The following CACNA1C variants were observed in gnomAD, a reference collection of about 807,000 sequenced individuals.
CACNA1C encodes calcium voltage-gated channel subunit alpha1 C, also known as voltage-dependent L-type calcium channel subunit alpha-1C.
CACNA1C carries 30 observed loss-of-function variants against 229.0 expected under a neutral mutation model. That is an observed-to-expected ratio of 0.13 (90% CI 0.10 to 0.18). CACNA1C has a LOEUF of 0.18. Among genes scored for constraint, CACNA1C ranks in the 10% least tolerant of loss-of-function variants. The pLI, the probability that CACNA1C is intolerant of heterozygous loss-of-function variation, is 1.00. For synonymous variants in CACNA1C, 1,114 were observed against 1,132.5 expected (o/e 0.98, Z 0.33); for missense variants, 1,658 against 2,845.0 (o/e 0.58, Z 9.49).
chr12:2,178,821 G>A (rs771642876), intron 3 of CACNA1C, among the ~76,000 whole-genome samples: 1 of 152,130 alleles, frequency 6.6e-6, no homozygotes, highest in Non-Finnish European at 1.5e-5. Context: ...CAGCACTTTG[G>A]GAGGCCGAGG....
At chr12:2,663,656 G>A (rs1303237628) in intron 34 of CACNA1C, among the ~76,000 whole-genome samples, 1 of 151,914 alleles carries the variant, frequency 6.6e-6, no homozygotes, top group Non-Finnish European at 1.5e-5. Context: ...CACCACTGAA[G>A]GGCTTGTCCG....
At chr12:2,201,450 A>G (rs2239023) in intron 3 of CACNA1C, among the ~76,000 whole-genome samples, 52,089 of 152,082 alleles carry the variant, frequency 0.34, 9,375 homozygotes, top group South Asian at 0.39. Context: ...TAGGAGTCGC[A>G]TGTCCATACA....
chr12:2,356,725 G>A (rs2238076), intron 3 of CACNA1C, among the ~76,000 whole-genome samples: 25,939 of 152,230 alleles, frequency 0.17, 3,329 homozygotes, highest in African/African-American at 0.36. Context: ...AAGGGGAATA[G>A]AAATTCTTCC....
chr12:2,475,842 G>A (rs894908821), intron 5 of CACNA1C, among the ~76,000 whole-genome samples: 1 of 152,174 alleles, frequency 6.6e-6, no homozygotes, highest in African/African-American at 2.4e-5. Context: ...TAATATAGTG[G>A]TTATCTTGGT....
Position 2,504,365 on chromosome 12 carries a change from C to A in CACNA1C, c.1114-477C>A. The A allele has an allele frequency of 1.2e-6, 1 of 861,404 alleles. No individual in the cohort carries two copies. The highest frequency in any genetic ancestry group is 2.0e-6 in the Non-Finnish European group (1 of 499,968). 53.4% of individuals were successfully genotyped at this position (861,404 alleles called of 1,614,324 possible). On this transcript the variant is annotated intron_variant, in intron 7 of 46. Coordinates refer to ENST00000399655, the MANE Select transcript of CACNA1C (RefSeq NM_000719.7). The surrounding 1 kb of genome is among the most constrained non-coding windows in gnomAD (Gnocchi z 6.8). Reference sequence around the variant, plus strand: ...CGTCTGTCCCCTCCCAATCTGCTCACACCTGCTGCCTGCCTCTTTGCTGTA... The same window carrying A: ...CGTCTGTCCCCTCCCAATCTGCTCAAACCTGCTGCCTGCCTCTTTGCTGTA...
intron 43 of CACNA1C, among the ~76,000 whole-genome samples, 171 bp downstream of exon 43, chr12:2,682,849 CAACACACAA>C: frequency 0.045 from 1 of 22 alleles, no homozygotes; most frequent in Non-Finnish European, 0.071. Flanking sequence ...GGGAGCCCCC[CAACACACAA>C]CACACACAAA....
chr12:2,383,021 C>G (rs1367656662), intron 3 of CACNA1C, among the ~76,000 whole-genome samples: 1 of 152,174 alleles, frequency 6.6e-6, no homozygotes, highest in Non-Finnish European at 1.5e-5. Context: ...CTAATGCACT[C>G]TAGATCAGCT....
intron 7 of CACNA1C, among the ~76,000 whole-genome samples, chr12:2,496,422 C>T (rs1262529441): frequency 6.6e-6 from 1 of 152,192 alleles, no homozygotes; most frequent in African/African-American, 2.4e-5. Context: ...GAGCTCCATT[C>T]ATTCTAAATC....
At chr12:2,596,787 A>G (rs1240334587) in intron 20 of CACNA1C, among the ~76,000 whole-genome samples, 3 of 152,194 alleles carry the variant, frequency 2.0e-5, no homozygotes, top group Non-Finnish European at 4.4e-5. Context: ...CATCACAGGA[A>G]GCTGGCCAGC....
chr12:2,640,495 C>T (rs1480345090), intron 30 of CACNA1C, among the ~76,000 whole-genome samples: 4 of 152,230 alleles, frequency 2.6e-5, no homozygotes, highest in East Asian at 1.9e-4. Flanking sequence ...CACCCGGATC[C>T]GTGTCTCTGG....
At chr12:2,402,371 G>A (rs1331038749) in intron 3 of CACNA1C, among the ~76,000 whole-genome samples, 5 of 152,260 alleles carry the variant, frequency 3.3e-5, no homozygotes, top group Admixed American at 6.5e-5. Context: ...GGACACCTCC[G>A]TGTGCTTCCA....
At chr12:2,191,590 A>G (rs1413351757) in intron 3 of CACNA1C, among the ~76,000 whole-genome samples, 2 of 152,078 alleles carry the variant, frequency 1.3e-5, no homozygotes, top group Admixed American at 6.5e-5. Context: ...GCATACACAC[A>G]TGCACTCACA....
intron 29 of CACNA1C, among the ~76,000 whole-genome samples, chr12:2,617,176 G>A (rs1403797988): frequency 1.3e-5 from 2 of 152,240 alleles, no homozygotes; most frequent in African/African-American, 2.4e-5. Flanking sequence ...ATCCATCAAC[G>A]AGGCCCTGGG....
intron 6 of CACNA1C, among the ~76,000 whole-genome samples, chr12:2,487,761 G>A (rs1219982670): frequency 1.3e-5 from 2 of 151,994 alleles, no homozygotes; most frequent in Non-Finnish European, 2.9e-5. Flanking sequence ...AGACTTTTTA[G>A]CCTTGCTTAA....
chr12:1,983,714 A>G (rs1463499512), intron 1 of CACNA1C, among the ~76,000 whole-genome samples: 1 of 152,114 alleles, frequency 6.6e-6, no homozygotes, highest in African/African-American at 2.4e-5. Flanking sequence ...TCGATAGAAT[A>G]TAATATAAAT....
intron 3 of CACNA1C, among the ~76,000 whole-genome samples, chr12:2,430,206 C>T (rs569918365): frequency 1.3e-5 from 2 of 152,154 alleles, no homozygotes; most frequent in South Asian, 4.2e-4. Flanking sequence ...CTCCCAAAGG[C>T]CCCACCTCCT....
At position 2,181,690 on chromosome 12, in the gene CACNA1C, C is replaced by T. The variant is rs2096844694; in HGVS notation, c.477+61260C>T. Among the ~76,000 whole-genome samples the T allele has an allele frequency of 6.6e-6, 1 of 152,104 alleles. No individual in the cohort carries two copies. The highest frequency in any genetic ancestry group is 2.4e-5 in the African/African-American group (1 of 41,406). ...CAATAATATTCTAGTTATTGTAGGC[C>T]AGGGGACCCACATCCACGATATCGT... is the stretch of plus-strand genomic sequence containing the variant. On this transcript the variant is annotated intron_variant, in intron 3 of 46. Transcript: ENST00000399655. This position sits in a 1 kb window ranked among gnomAD's most constrained non-coding sequence, Gnocchi z 4.0.
intron 1 of CACNA1C, among the ~76,000 whole-genome samples, chr12:2,066,884 C>A (rs971306542): frequency 1.3e-5 from 2 of 151,724 alleles, no homozygotes; most frequent in Non-Finnish European, 2.9e-5. Context: ...GGGCCTCGGG[C>A]AGGGGTGCTG....
chr12:2,046,856 C>G (rs1480235289), intron 1 of CACNA1C, among the ~76,000 whole-genome samples: 1 of 152,100 alleles, frequency 6.6e-6, no homozygotes, highest in East Asian at 1.9e-4. Flanking sequence ...GATAAACAGA[C>G]AGGAGGAAAG....
Sources: gnomAD v4.1 joint callset for allele counts (sites outside exome capture counted in the v4.1 genomes callset) on GRCh38, gnomAD v4.1.1 for gene constraint, Gnocchi (gnomAD v3.1) non-coding constraint, MANE v1.5 for transcripts, NCBI Gene and HGNC (gene_info 2026-07-23, HGNC 2026-07-21) for gene names.